RTL4: variants seen among roughly 807,000 people sequenced by gnomAD.
The protein encoded by RTL4 is retrotransposon Gag-like protein 4.
RTL4 carries 4 observed loss-of-function variants against 5.3 expected under a neutral mutation model. The ratio of observed to expected loss-of-function variants is 0.75; its 90% CI spans 0.37 to 1.72. The LOEUF is 1.72. RTL4 is among the 40% of genes most tolerant of loss of function. RTL4 has a pLI of 0.04. For synonymous variants in RTL4, 98 were observed against 87.3 expected (o/e 1.12, Z -0.68); for missense variants, 260 against 227.1 (o/e 1.14, Z -0.93).
the RTL4 span, among the ~76,000 whole-genome samples, chrX:112,366,581 A>G: frequency 3.6e-5 from 4 of 112,022 alleles, no homozygotes; most frequent in South Asian, 1.5e-3. Flanking sequence ...TGAATGGCTT[A>G]TTTTATGAGT....
the RTL4 span, among the ~76,000 whole-genome samples, chrX:112,207,886 T>A: frequency 9.0e-6 from 1 of 110,636 alleles, no homozygotes; most frequent in South Asian, 3.9e-4. Flanking sequence ...CACACAACAC[T>A]GGGCCCTAGT....
the RTL4 span, among the ~76,000 whole-genome samples, chrX:112,265,785 C>T: frequency 1.8e-5 from 2 of 108,177 alleles, no homozygotes; most frequent in Non-Finnish European, 3.8e-5. Context: ...CCATTTTCCC[C>T]TCCCTTTATC....
the RTL4 span, among the ~76,000 whole-genome samples, chrX:112,249,386 A>C: frequency 3.4e-4 from 38 of 110,703 alleles, no homozygotes; most frequent in African/African-American, 1.2e-3. Flanking sequence ...AGTATCTGTG[A>C]CGGCTAATTT....
At chrX:112,428,023 T>C in the RTL4 span, among the ~76,000 whole-genome samples, 2 of 111,114 alleles carry the variant, frequency 1.8e-5, no homozygotes, top group East Asian at 5.7e-4. Context: ...ACATGTGATA[T>C]TTGGTTTTCC....
chrX:112,083,035 G>C, the RTL4 span, among the ~76,000 whole-genome samples: 1 of 110,033 alleles, frequency 9.1e-6, no homozygotes, highest in Non-Finnish European at 1.9e-5. Flanking sequence ...GCAGCTCCGC[G>C]GCCAGGGGTG....
chrX:112,314,882 T>C, the RTL4 span, among the ~76,000 whole-genome samples: 1 of 111,635 alleles, frequency 9.0e-6, no homozygotes, highest in African/African-American at 3.3e-5. Context: ...GTGTCCCTGT[T>C]TTCTTCTGCC....
the RTL4 span, among the ~76,000 whole-genome samples, chrX:112,187,779 C>T: frequency 1.8e-5 from 2 of 111,614 alleles, no homozygotes; most frequent in Non-Finnish European, 3.8e-5. Context: ...ACCTCCAAAA[C>T]TAATGATATG....
At chrX:112,135,086 A>T in the RTL4 span, among the ~76,000 whole-genome samples, 6 of 112,336 alleles carry the variant, frequency 5.3e-5, no homozygotes, top group Non-Finnish European at 1.1e-4. Flanking sequence ...TGACTAAATC[A>T]TATGTGTATG....
chrX:112,262,558 G>T, the RTL4 span, among the ~76,000 whole-genome samples: 26,449 of 111,162 alleles, frequency 0.24, 2,773 homozygotes, highest in African/African-American at 0.42. Flanking sequence ...GTGCTGGAGA[G>T]GATGTGGAGA....
the RTL4 span, among the ~76,000 whole-genome samples, chrX:112,237,931 T>C: frequency 8.9e-5 from 10 of 111,883 alleles, no homozygotes; most frequent in East Asian, 1.7e-3. Flanking sequence ...GTCATTCTGT[T>C]CCAGTGTTAG....
At chrX:112,370,935 T>A in the RTL4 span, among the ~76,000 whole-genome samples, 2 of 110,231 alleles carry the variant, frequency 1.8e-5, no homozygotes, top group Non-Finnish European at 3.8e-5. Context: ...GCCTCCTAGA[T>A]AGGACTGAAC....
chrX:112,161,118 T>C, the RTL4 span, among the ~76,000 whole-genome samples: 1 of 112,045 alleles, frequency 8.9e-6, no homozygotes, highest in Admixed American at 9.4e-5. Flanking sequence ...TTAATCATGC[T>C]GCATTGTATA....
chrX:112,242,202 G>C, the RTL4 span, among the ~76,000 whole-genome samples: 52 of 111,631 alleles, frequency 4.7e-4, no homozygotes, highest in African/African-American at 1.6e-3. Context: ...TCCACATGAA[G>C]TTTAAAGTAG....
At chrX:112,454,127 G>A (rs780312687), upstream of RTL4, among the ~76,000 whole-genome samples, 1 of 111,986 alleles carries the variant, frequency 8.9e-6, no homozygotes, top group African/African-American at 3.2e-5. Context: ...CTTTAGAACA[G>A]GGATGTCTAA....
the RTL4 span, among the ~76,000 whole-genome samples, chrX:112,346,602 A>T: frequency 3.6e-5 from 4 of 111,203 alleles, no homozygotes; most frequent in South Asian, 1.5e-3. Flanking sequence ...TGAAATACAG[A>T]TTGGTGCCTT....
the RTL4 span, among the ~76,000 whole-genome samples, chrX:112,234,584 T>C: frequency 3.6e-5 from 4 of 112,047 alleles, no homozygotes; most frequent in African/African-American, 1.3e-4. Flanking sequence ...CAGGTTGTAC[T>C]TGGGGCAAGG....
the RTL4 span, among the ~76,000 whole-genome samples, chrX:112,125,378 T>G: frequency 9.0e-6 from 1 of 111,661 alleles, no homozygotes; most frequent in Non-Finnish European, 1.9e-5. Flanking sequence ...AATTAAAACC[T>G]TACCTCACAC....
At chrX:112,175,361 C>G in the RTL4 span, among the ~76,000 whole-genome samples, 9 of 104,777 alleles carry the variant, frequency 8.6e-5, no homozygotes, top group African/African-American at 2.1e-4. Context: ...GCTTGTTTTT[C>G]TCAGGTTTGT....
the RTL4 span, among the ~76,000 whole-genome samples, chrX:112,294,884 A>G: frequency 4.5e-5 from 5 of 111,795 alleles, no homozygotes; most frequent in Admixed American, 2.9e-4. Context: ...ATAATAGATG[A>G]CCTCATGTGT....
Sources: gnomAD v4.1 joint callset for allele counts (sites outside exome capture counted in the v4.1 genomes callset) on GRCh38, gnomAD v4.1.1 for gene constraint, MANE v1.5 for transcripts, NCBI Gene and HGNC (gene_info 2026-07-23, HGNC 2026-07-21) for gene names.